SLC9A9: variants seen among roughly 807,000 people sequenced by gnomAD.
SLC9A9 encodes sodium/hydrogen exchanger 9.
In SLC9A9, 62 loss-of-function variants were observed where a neutral mutation model predicts 77.8. The observed-to-expected ratio is 0.80, with a 90% confidence interval of 0.65 to 0.98. The LOEUF (loss-of-function observed/expected upper bound fraction) is 0.98, where lower values mean the gene tolerates loss of function less well. Among genes scored for constraint, SLC9A9 ranks in the 50% least tolerant of loss-of-function variants. The pLI, the probability that SLC9A9 is intolerant of heterozygous loss-of-function variation, is 0.00. For missense variants in SLC9A9, 775 were observed against 774.9 expected (o/e 1.00, Z 0.00); for synonymous variants, 320 against 283.5 (o/e 1.13, Z -1.29).
chr3:143,517,324 C>A, intron 9 of SLC9A9: 1 of 1,231,180 alleles, frequency 8.1e-7, no homozygotes. Context: ...CAGGCATGCC[C>A]CCTCCCATTC....
intron 6 of SLC9A9, among the ~76,000 whole-genome samples, chr3:143,637,008 AT>A (rs1560006435): frequency 6.6e-6 from 1 of 152,218 alleles, no homozygotes; most frequent in Non-Finnish European, 1.5e-5. Flanking sequence ...ATGAATGTAA[AT>A]TCAAAAATAA....
intron 1 of SLC9A9, among the ~76,000 whole-genome samples, chr3:143,833,628 ATGCTCTCCCTGTATGTAGAC>A (rs2009494388): frequency 2.3e-5 from 3 of 131,798 alleles, no homozygotes; most frequent in African/African-American, 5.6e-5. Context: ...ACCAGGATCT[ATGCTCTCCCTGTATGTAGAC>A]CAGGATCTAC....
chr3:143,326,314 G>A (rs1423350172), intron 14 of SLC9A9, among the ~76,000 whole-genome samples: 1 of 152,110 alleles, frequency 6.6e-6, no homozygotes, highest in Non-Finnish European at 1.5e-5. Flanking sequence ...TAGTCAATTA[G>A]GTCACATTAT....
intron 5 of SLC9A9, among the ~76,000 whole-genome samples, chr3:143,690,962 C>T (rs1329954709): frequency 1.3e-5 from 2 of 152,096 alleles, no homozygotes; most frequent in Non-Finnish European, 2.9e-5. Flanking sequence ...TAAGCAAAAA[C>T]CATCAATGGG....
At chr3:143,837,974 G>T (rs1028948882) in intron 1 of SLC9A9, among the ~76,000 whole-genome samples, 1 of 152,180 alleles carries the variant, frequency 6.6e-6, no homozygotes, top group Non-Finnish European at 1.5e-5. Context: ...GGTTTTTGAT[G>T]ACAACAGTAG....
At chr3:143,807,873 T>C (rs1270535596) in intron 2 of SLC9A9, among the ~76,000 whole-genome samples, 1 of 152,198 alleles carries the variant, frequency 6.6e-6, no homozygotes. Context: ...CCAGGTGGAA[T>C]TGGGCAGTGC....
chr3:143,809,366 C>T (rs1301033830), intron 2 of SLC9A9, among the ~76,000 whole-genome samples: 2 of 152,228 alleles, frequency 1.3e-5, no homozygotes, highest in Admixed American at 1.3e-4. Flanking sequence ...GAATGGCATG[C>T]AGCATGCAAG....
intron 14 of SLC9A9, among the ~76,000 whole-genome samples, chr3:143,344,264 T>A (rs552321701): frequency 3.3e-4 from 50 of 152,320 alleles, no homozygotes; most frequent in African/African-American, 1.2e-3. Flanking sequence ...CAGCTCTTAT[T>A]TTCTCAAACA....
chr3:143,386,926 C>T (rs2033439971), intron 12 of SLC9A9, among the ~76,000 whole-genome samples: 1 of 152,180 alleles, frequency 6.6e-6, no homozygotes, highest in African/African-American at 2.4e-5. Context: ...CTGCAACCTC[C>T]ACCTCCTGGG....
At chr3:143,448,415 T>C (rs1259695032) in intron 12 of SLC9A9, among the ~76,000 whole-genome samples, 2 of 152,064 alleles carry the variant, frequency 1.3e-5, no homozygotes, top group Non-Finnish European at 2.9e-5. Flanking sequence ...TATCAAGATG[T>C]TTTACTGAAT....
At chr3:143,478,491 C>T (rs188844648) in intron 11 of SLC9A9, among the ~76,000 whole-genome samples, 146 of 152,276 alleles carry the variant, frequency 9.6e-4, no homozygotes, top group Non-Finnish European at 1.8e-3. Flanking sequence ...TAGGATCCTG[C>T]CCTACTCACA....
At chr3:143,523,055 C>T (rs908664465) in intron 9 of SLC9A9, among the ~76,000 whole-genome samples, 1 of 152,160 alleles carries the variant, frequency 6.6e-6, no homozygotes, top group Non-Finnish European at 1.5e-5. Flanking sequence ...GGGTCTCTTC[C>T]AGTCCCAGAA....
intron 6 of SLC9A9, among the ~76,000 whole-genome samples, chr3:143,633,888 C>T (rs75145841): frequency 0.019 from 2,947 of 152,202 alleles, 93 homozygotes; most frequent in African/African-American, 0.066. Context: ...TTAGGAATGA[C>T]GTGAATTAGG....
chr3:143,579,111 A>G (rs562369817), intron 6 of SLC9A9, among the ~76,000 whole-genome samples: 1 of 152,306 alleles, frequency 6.6e-6, no homozygotes, highest in East Asian at 1.9e-4. Context: ...TGTTCCTGAT[A>G]AAAAGTGCAC....
intron 12 of SLC9A9, among the ~76,000 whole-genome samples, chr3:143,393,065 G>T (rs747802754): frequency 1.5e-4 from 23 of 152,132 alleles, no homozygotes; most frequent in Non-Finnish European, 2.4e-4. Flanking sequence ...GGATATCCAG[G>T]AATTGAACTC....
chr3:143,677,555 T>G (rs765666652), intron 5 of SLC9A9, among the ~76,000 whole-genome samples: 13 of 152,180 alleles, frequency 8.5e-5, no homozygotes, highest in Non-Finnish European at 1.5e-4. Flanking sequence ...GGGCTGTATA[T>G]TTTAAGGTAT....
chr3:143,445,803 T>G (rs1401273775), intron 12 of SLC9A9, among the ~76,000 whole-genome samples: 1 of 152,128 alleles, frequency 6.6e-6, no homozygotes, highest in Non-Finnish European at 1.5e-5. Context: ...AGAATCCAAG[T>G]GAAGAAAGTG....
intron 12 of SLC9A9, among the ~76,000 whole-genome samples, chr3:143,387,724 C>A (rs1000636761): frequency 1.3e-5 from 2 of 151,322 alleles, no homozygotes; most frequent in Non-Finnish European, 1.5e-5. Flanking sequence ...CACTTCCACT[C>A]TTTGGTGAGT....
intron 11 of SLC9A9, among the ~76,000 whole-genome samples, chr3:143,486,855 T>C (rs1182533700): frequency 2.0e-5 from 3 of 152,038 alleles, no homozygotes; most frequent in Non-Finnish European, 4.4e-5. Context: ...AAGGCAGTAG[T>C]GCAGTAAATG....
Sources: gnomAD v4.1 joint callset for allele counts (sites outside exome capture counted in the v4.1 genomes callset) on GRCh38, gnomAD v4.1.1 for gene constraint, MANE v1.5 for transcripts, NCBI Gene and HGNC (gene_info 2026-07-23, HGNC 2026-07-21) for gene names.